Variants in C1orf105 observed in about 807,000 individuals in gnomAD.
C1orf105 encodes the protein chromosome 1 open reading frame 105.
C1orf105 carries 17 observed loss-of-function variants against 20.8 expected under a neutral mutation model. That is an observed-to-expected ratio of 0.82 (90% CI 0.56 to 1.23). The LOEUF is 1.23. Among genes scored for constraint, C1orf105 ranks in the 50% most tolerant of loss-of-function variants. The pLI, the probability that C1orf105 is intolerant of heterozygous loss-of-function variation, is 0.00. For synonymous variants in C1orf105, 72 were observed against 72.1 expected (o/e 1.00, Z 0.01); for missense variants, 219 against 213.5 (o/e 1.03, Z -0.16).
chr1:172,452,708 C>A, intron 3 of C1orf105: 2 of 890,360 alleles, frequency 2.2e-6, no homozygotes, highest in South Asian at 1.0e-4. Flanking sequence ...GTGTTTTTGG[C>A]TTCTGGGGAC....
intron 1 of C1orf105, among the ~76,000 whole-genome samples, chr1:172,434,906 A>G (rs1450807234): frequency 1.2e-4 from 18 of 152,250 alleles, no homozygotes; most frequent in Admixed American, 1.3e-4. Context: ...AAAAAATGAT[A>G]AAGGGGATAT....
chr1:172,438,243 C>T (rs146966189), intron 1 of C1orf105, among the ~76,000 whole-genome samples: 44 of 152,292 alleles, frequency 2.9e-4, no homozygotes, highest in African/African-American at 9.9e-4. Context: ...ACTTTGAAGT[C>T]TAATTAAGAA....
intron 1 of C1orf105, among the ~76,000 whole-genome samples, chr1:172,436,525 A>C (rs2149164757): frequency 6.6e-6 from 1 of 152,358 alleles, no homozygotes; most frequent in East Asian, 1.9e-4. Flanking sequence ...GTGCTGGGAA[A>C]ACTGGCTAGC....
chr1:172,450,771 T>C (rs149010909), intron 3 of C1orf105, among the ~76,000 whole-genome samples: 2,239 of 152,256 alleles, frequency 0.015, 29 homozygotes, highest in Non-Finnish European at 0.02. Flanking sequence ...GAGCAGTATT[T>C]CCTAGTGACT....
chr1:172,462,362 T>G, intron 5 of C1orf105, 117 bp downstream of exon 5: 2 of 715,870 alleles, frequency 2.8e-6, no homozygotes, highest in Non-Finnish European at 4.4e-6. Context: ...GGGAACAGGC[T>G]TCTTGACTGG....
intron 4 of C1orf105, among the ~76,000 whole-genome samples, chr1:172,457,595 G>A (rs1228044773): frequency 6.6e-6 from 1 of 152,204 alleles, no homozygotes; most frequent in East Asian, 1.9e-4. Context: ...TGGAGTCTGG[G>A]AAACTAGGAT....
In C1orf105 at chr1:172,445,139, G is replaced by A. The variant is rs1321667803; in HGVS notation, c.88G>A (p.Val30Met). ...GGCCAGCCTTGTAAACAAGCCATTAGTGCTCAGCCTTCCCAGAAGGTAACC... is the reference window on the plus strand; with the variant it reads ...GGCCAGCCTTGTAAACAAGCCATTAATGCTCAGCCTTCCCAGAAGGTAACC... ...SEASLVNKPL[V>M]LSLPRRYPHT... The change falls in exon 2 of 7, where the codon GTG (valine) becomes ATG (methionine). Residue 30 changes from valine to methionine, a missense_variant. Physicochemically the swap from Val to Met is conservative, Grantham distance 21. Coordinates refer to ENST00000367727, the MANE Select transcript of C1orf105 (RefSeq NM_139240.4). 6.2e-7 allele frequency: 1 copy of A among 1,612,356 alleles called. No homozygotes were observed. Among genetic ancestry groups the A allele is most frequent in the South Asian group, 1.1e-5 (1 of 90,576 alleles).
At chr1:172,466,090 CCTCA>C (rs1650033017) in intron 6 of C1orf105, among the ~76,000 whole-genome samples, 1 of 152,150 alleles carries the variant, frequency 6.6e-6, no homozygotes, top group Non-Finnish European at 1.5e-5. Context: ...GGATAACTTT[CCTCA>C]CTCTATACAT....
intron 4 of C1orf105, among the ~76,000 whole-genome samples, chr1:172,456,956 G>C (rs1649318140): frequency 6.6e-6 from 1 of 152,200 alleles, no homozygotes; most frequent in Non-Finnish European, 1.5e-5. Context: ...TACTTTCTAG[G>C]TAGTCAGGGG....
At chr1:172,421,510 TG>T (rs2071588018) in intron 1 of C1orf105, among the ~76,000 whole-genome samples, 1 of 152,056 alleles carries the variant, frequency 6.6e-6, no homozygotes, top group Non-Finnish European at 1.5e-5. Context: ...TTGAAAATAT[TG>T]TAAGTCAAAA....
chr1:172,444,367 T>A, intron 1 of C1orf105: 4 of 922,596 alleles, frequency 4.3e-6, no homozygotes, highest in Non-Finnish European at 5.2e-6. Flanking sequence ...CTTTATTAAG[T>A]CAGGCCCTCA....
At chr1:172,423,495 C>T (rs1006314374) in intron 1 of C1orf105, among the ~76,000 whole-genome samples, 3 of 152,132 alleles carry the variant, frequency 2.0e-5, no homozygotes, top group African/African-American at 4.8e-5. Context: ...ACCCAAGTCC[C>T]TTCAAATACC....
intron 1 of C1orf105, among the ~76,000 whole-genome samples, chr1:172,426,365 C>G (rs1398464670): frequency 6.6e-6 from 1 of 152,162 alleles, no homozygotes; most frequent in Non-Finnish European, 1.5e-5. Context: ...GATTACAGCA[C>G]TATCTACATG....
rs149469665 is a variant in C1orf105 at position 172,439,113 on chromosome 1, G to A, written c.22-5960G>A. Among the ~76,000 whole-genome samples, 416 of 152,234 alleles carry A rather than the reference G, an allele frequency of 2.7e-3. 2 individuals carry two copies. Among genetic ancestry groups the A allele is most frequent in the African/African-American group, 9.2e-3 (381 of 41,534 alleles). On this transcript the variant is annotated intron_variant, in intron 1 of 6. Coordinates refer to ENST00000367727, the MANE Select transcript of C1orf105 (RefSeq NM_139240.4). Reference sequence around the variant, plus strand: ...AGCTTTATTGTAGTGGTCTGGAACCGAACCTCAGTATCTCCAAAGTATGCC... The same window carrying A: ...AGCTTTATTGTAGTGGTCTGGAACCAAACCTCAGTATCTCCAAAGTATGCC...
At chr1:172,465,120 T>G (rs1649946692) in intron 5 of C1orf105, among the ~76,000 whole-genome samples, 179 bp from the exon 6 acceptor site, 1 of 151,628 alleles carries the variant, frequency 6.6e-6, no homozygotes, top group Non-Finnish European at 1.5e-5. Context: ...GAGGCAGAGG[T>G]TGCACTGAGC....
chr1:172,462,086 A>G, intron 4 of C1orf105, 92 bp from the exon 5 acceptor site: 2 of 965,504 alleles, frequency 2.1e-6, no homozygotes, highest in South Asian at 2.9e-5. Flanking sequence ...CTTTGACATC[A>G]AATACAACAC....
intron 4 of C1orf105, among the ~76,000 whole-genome samples, chr1:172,458,477 G>C (rs911963838): frequency 3.3e-5 from 5 of 151,888 alleles, no homozygotes; most frequent in Admixed American, 1.3e-4. Flanking sequence ...AAATTATTTA[G>C]GAATAAATTT....
chr1:172,432,552 A>G (rs541332657), intron 1 of C1orf105, among the ~76,000 whole-genome samples: 219 of 152,358 alleles, frequency 1.4e-3, no homozygotes, highest in Non-Finnish European at 2.5e-3. Flanking sequence ...ACTAACAAAC[A>G]AAAAGGAATA....
chr1:172,441,462 G>A (rs1403753438), intron 1 of C1orf105: 4 of 295,444 alleles, frequency 1.4e-5, no homozygotes, highest in Admixed American at 4.7e-5. Flanking sequence ...CTTGATGGAT[G>A]TGTTATTTTT....
Sources: gnomAD v4.1 joint callset for allele counts (sites outside exome capture counted in the v4.1 genomes callset) on GRCh38, gnomAD v4.1.1 for gene constraint, MANE v1.5 for transcripts, NCBI Gene and HGNC (gene_info 2026-07-23, HGNC 2026-07-21) for gene names.